PPFIA1: variants seen among roughly 807,000 people sequenced by gnomAD.
The protein encoded by PPFIA1 is liprin-alpha-1.
Under a neutral mutation model 149.9 loss-of-function variants are expected in PPFIA1, and 25 were observed. The observed-to-expected ratio is 0.17, with a 90% CI of 0.12 to 0.23. PPFIA1 has a LOEUF of 0.23. PPFIA1 is among the 10% of genes least tolerant of loss of function. The pLI is 1.00. For synonymous variants in PPFIA1, 549 were observed against 552.8 expected (o/e 0.99, Z 0.10); for missense variants, 1,362 against 1,506.5 (o/e 0.90, Z 1.59).
In PPFIA1 at chr11:70,295,292, C is replaced by A. The variant is rs527294410; in HGVS notation, c.264+22856C>A. On this transcript the variant is annotated intron_variant, in intron 2 of 27. Coordinates refer to ENST00000253925, the MANE Select transcript of PPFIA1 (RefSeq NM_003626.5). ...TGGCCGGGCGAGGGGCTGACCCCCC[C>A]ACCTCCCTCCCGGATGGGGCGGCTG... is the stretch of plus-strand genomic sequence containing the variant. Among the ~76,000 whole-genome samples the A allele has an allele frequency of 1.1e-3, 143 of 132,150 alleles. 2 individuals carry two copies. Among genetic ancestry groups the A allele is most frequent in the Admixed American group, 4.1e-3 (56 of 13,586 alleles). The allele number at this position is 132,150 out of a possible 152,430, so 86.7% of individuals were successfully genotyped here. A position where few individuals can be genotyped will look rare whatever the true frequency, so the allele number is the denominator to read the frequency against.
intron 27 of PPFIA1, among the ~76,000 whole-genome samples, 180 bp from the exon 28 acceptor site, chr11:70,382,823 T>C (rs1005947345): frequency 1.3e-5 from 2 of 152,218 alleles, no homozygotes; most frequent in African/African-American, 4.8e-5. Context: ...CTCATTGATG[T>C]GCATAGCCCT....
At chr11:70,346,939 C>G (rs1384916840) in intron 15 of PPFIA1, among the ~76,000 whole-genome samples, 1 of 152,144 alleles carries the variant, frequency 6.6e-6, no homozygotes, top group Admixed American at 6.6e-5. Context: ...CCATGACACT[C>G]TAGGAGAGAG....
chr11:70,312,263 T>C (rs1317456321), intron 2 of PPFIA1, among the ~76,000 whole-genome samples: 1 of 151,678 alleles, frequency 6.6e-6, no homozygotes, highest in African/African-American at 2.4e-5. Context: ...TGATCATAGC[T>C]CACTGCAGCC....
At position 70,325,528 on chromosome 11, in the gene PPFIA1, A is replaced by C. The variant is rs948971125; in HGVS notation, c.560A>C (p.Glu187Ala). 1.9e-6 allele frequency: 3 copies of C among 1,596,384 alleles called. No homozygotes were observed. The African/African-American group carries it at 4.0e-5, about 21-fold the overall frequency. The change falls in exon 5 of 28, where the codon GAA (glutamate) becomes GCA (alanine). Residue 187 changes from glutamate to alanine, a missense_variant. Glu to Ala is a moderately radical substitution (Grantham distance 107). This residue lies in a region of PPFIA1 where 79 missense variants were observed against 146.2 expected (regional missense o/e 0.54). Transcript: ENST00000253925. ...KVRERLRVAL[E>A]RCSLLEEELG... ...AGAGAGCGATTACGAGTAGCACTTG[A>C]AAGATGTAGTTTGTTAGAAGAGGAA...
rs528254004 is a variant in PPFIA1 at position 70,365,894 on chromosome 11, A to G, written c.2865+3406A>G. 2.9e-4 allele frequency: 134 copies of G among 454,978 alleles called. 3 individuals are homozygous for G. The highest frequency in any genetic ancestry group is 2.1e-3 in the South Asian group (133 of 64,066). The allele number at this position is 454,978 out of a possible 1,614,324, so 28.2% of individuals were successfully genotyped here. Reference sequence around the variant, plus strand: ...CGTTGCCTGCATTACCGAGCTCACCAATACTAATAGTTATGTTCTTTTGCA... The same window carrying G: ...CGTTGCCTGCATTACCGAGCTCACCGATACTAATAGTTATGTTCTTTTGCA... On this transcript the variant is annotated intron_variant, in intron 21 of 27. Transcript: ENST00000253925.
rs755665885 is a variant in PPFIA1, at chr11:70,339,283, G to A, written c.1684G>A (p.Ala562Thr). Reference protein sequence around the residue: ...LRRPQKGRLAALRDEPSKVQT... With the variant: ...LRRPQKGRLATLRDEPSKVQT... The stretch of plus-strand genomic sequence containing the variant: ...GCGCCCACAGAAAGGCCGGCTGGCA[G>A]CCCTGCGAGATGAGCCTTCCAAGGC... Residue 562 changes from alanine (A) to threonine (T), a missense_variant, in exon 14 of 28, where the codon GCC becomes ACC. This residue lies in a region of PPFIA1 where 733 missense variants were observed against 744.1 expected (regional missense o/e 0.99). Coordinates refer to ENST00000253925, the MANE Select transcript of PPFIA1 (RefSeq NM_003626.5). The A allele has an allele frequency of 1.9e-6, 3 of 1,613,834 alleles. No individual in the cohort carries two copies. The East Asian group carries it at 6.7e-5, about 36-fold the overall frequency.
In PPFIA1 at chr11:70,315,678, GTTTTTTTTTT is replaced by G. The variant is rs71049904; in HGVS notation, c.265-8708_265-8699del. On this transcript the variant is annotated intron_variant, in intron 2 of 27. Transcript: ENST00000253925. ...GCCTTCTGTGAAGTTCTTTTTTTCT[GTTTTTTTTTT>G]TTTTTTTTTTTTTTTGGTGGTAAAA... Among the ~76,000 whole-genome samples the G allele has an allele frequency of 2.5e-3, 180 of 73,044 alleles. 1 individual carries two copies. Among genetic ancestry groups the G allele is most frequent in the Middle Eastern group, 0.015 (1 of 68 alleles). 47.9% of individuals were successfully genotyped at this position (73,044 alleles called of 152,430 possible). A position where few individuals can be genotyped will look rare whatever the true frequency, so the allele number is the denominator to read the frequency against.
intron 2 of PPFIA1, among the ~76,000 whole-genome samples, chr11:70,277,575 C>G (rs2050487604): frequency 6.6e-6 from 1 of 151,994 alleles, no homozygotes; most frequent in African/African-American, 2.4e-5. Context: ...ACTGCAACCT[C>G]CATCTCCCAT....
chr11:70,374,102 G>A (rs1307550306), intron 23 of PPFIA1: 1 of 152,212 alleles, frequency 6.6e-6, no homozygotes, highest in Non-Finnish European at 1.5e-5. Context: ...GGCTGGGCAT[G>A]GTAGCTCATG....
intron 21 of PPFIA1, among the ~76,000 whole-genome samples, chr11:70,369,674 C>T (rs2057130518): frequency 6.6e-6 from 1 of 152,156 alleles, no homozygotes; most frequent in Non-Finnish European, 1.5e-5. Flanking sequence ...TTACCTGTTT[C>T]TGAGAAGCTT....
intron 2 of PPFIA1, among the ~76,000 whole-genome samples, chr11:70,309,393 T>C (rs892334799): frequency 2.6e-5 from 4 of 152,192 alleles, no homozygotes; most frequent in Non-Finnish European, 5.9e-5. Flanking sequence ...GGTCTCGAAC[T>C]TGCGACCTCA....
At chr11:70,366,227 A>G (rs34701876) in intron 21 of PPFIA1, among the ~76,000 whole-genome samples, 2,428 of 152,332 alleles carry the variant, frequency 0.016, 24 homozygotes, top group Non-Finnish European at 0.024. Context: ...TGTTTAACAT[A>G]TGATCTTGTA....
intron 2 of PPFIA1, among the ~76,000 whole-genome samples, chr11:70,287,943 A>C (rs1445817625): frequency 6.6e-6 from 1 of 151,802 alleles, no homozygotes; most frequent in African/African-American, 2.4e-5. Context: ...GGCCCTAACA[A>C]CTTGTATGGT....
At chr11:70,354,530 C>T in intron 17 of PPFIA1, 78 bp downstream of exon 17, 2 of 1,441,182 alleles carry the variant, frequency 1.4e-6, no homozygotes, top group East Asian at 4.9e-5. Flanking sequence ...CAAATCTTTC[C>T]TTGAGTAAAA....
At chr11:70,323,968 GAAAAAGGAA>G (rs1046326642) in intron 2 of PPFIA1, among the ~76,000 whole-genome samples, 5 of 152,172 alleles carry the variant, frequency 3.3e-5, no homozygotes, top group Admixed American at 1.3e-4. Context: ...GTCTCAGAAA[GAAAAAGGAA>G]GAAAAGGAGG....
At chr11:70,296,463 C>T (rs544712907) in intron 2 of PPFIA1, among the ~76,000 whole-genome samples, 2 of 152,150 alleles carry the variant, frequency 1.3e-5, no homozygotes, top group African/African-American at 2.4e-5. Flanking sequence ...GCGGACCACT[C>T]GCGGTTAGGA....
chr11:70,341,253 G>T (rs1299103895), intron 14 of PPFIA1, among the ~76,000 whole-genome samples: 10 of 148,374 alleles, frequency 6.7e-5, no homozygotes, highest in Admixed American at 6.7e-4. Context: ...AGAATTTTAA[G>T]AAGGGAGGCC....
chr11:70,315,056 C>A (rs1026208663), intron 2 of PPFIA1, among the ~76,000 whole-genome samples: 6 of 152,170 alleles, frequency 3.9e-5, no homozygotes, highest in Non-Finnish European at 5.9e-5. Context: ...CATGGGGTAA[C>A]CGCCCTCATG....
chr11:70,279,463 T>C (rs1420154918), intron 2 of PPFIA1, among the ~76,000 whole-genome samples: 5 of 152,242 alleles, frequency 3.3e-5, no homozygotes, highest in Non-Finnish European at 7.3e-5. Flanking sequence ...GTATTTGTTG[T>C]ATTGGTGGCC....
Sources: allele counts gnomAD v4.1 joint callset (sites outside exome capture counted in the v4.1 genomes callset), GRCh38; gene constraint gnomAD v4.1.1; regional missense constraint gnomAD v4.1.1; transcripts MANE v1.5; gene names NCBI Gene and HGNC (gene_info 2026-07-23, HGNC 2026-07-21).